CLPB: variants seen among roughly 807,000 people sequenced by gnomAD.
CLPB encodes the protein mitochondrial disaggregase.
A neutral mutation model predicts 78.4 loss-of-function variants in CLPB; 40 were observed. The observed-to-expected ratio is 0.51, with a 90% CI of 0.40 to 0.66. The LOEUF (loss-of-function observed/expected upper bound fraction) is 0.66, where lower values mean the gene tolerates loss of function less well. CLPB is among the 30% of genes least tolerant of loss of function. CLPB has a pLI of 0.00. For missense variants in CLPB, 780 were observed against 886.9 expected (o/e 0.88, Z 1.53); for synonymous variants, 333 against 348.0 (o/e 0.96, Z 0.48).
At chr11:72,383,905 A>C (rs1279019056) in intron 3 of CLPB, among the ~76,000 whole-genome samples, 1 of 152,202 alleles carries the variant, frequency 6.6e-6, no homozygotes, top group Non-Finnish European at 1.5e-5. Context: ...GATGCTAATT[A>C]GCAACACAAA....
chr11:72,335,133 G>C (rs993332669), intron 5 of CLPB, among the ~76,000 whole-genome samples: 2 of 152,094 alleles, frequency 1.3e-5, no homozygotes, highest in African/African-American at 4.8e-5. Context: ...AGTAGTGTGG[G>C]GGGGTGGGTG....
chr11:72,350,407 C>T (rs370439229), intron 5 of CLPB, among the ~76,000 whole-genome samples: 3 of 152,184 alleles, frequency 2.0e-5, no homozygotes, highest in East Asian at 3.8e-4. Flanking sequence ...CCTCCATTCC[C>T]CTTCGGACTA....
chr11:72,373,964 A>AAAAAAAAAAAAAAAAAAAAAC (rs1951092690), intron 4 of CLPB, among the ~76,000 whole-genome samples: 1 of 149,198 alleles, frequency 6.7e-6, no homozygotes. Context: ...CTGTCTCAAA[A>AAAAAAAAAAAAAAAAAAAAAC]AAAAAAAAAA....
At chr11:72,427,545 C>T (rs928028826) in intron 2 of CLPB, among the ~76,000 whole-genome samples, 10 of 152,160 alleles carry the variant, frequency 6.6e-5, no homozygotes, top group African/African-American at 2.4e-4. Context: ...TTGTAACTGT[C>T]TCAACATCAT....
In CLPB at chr11:72,329,734, C is replaced by T. The variant is rs1342068407; in HGVS notation, c.846G>A (p.Met282Ile). 6.2e-7 allele frequency: 1 copy of T among 1,614,012 alleles called. No homozygotes were observed. Among genetic ancestry groups the T allele is most frequent in the Non-Finnish European group, 8.5e-7 (1 of 1,179,910 alleles). Residue 282 changes from methionine (M) to isoleucine (I), a missense_variant, in exon 6 of 16, where the codon ATG (methionine) becomes ATA (isoleucine). Physicochemically the swap from Met to Ile is conservative, Grantham distance 10. Coordinates refer to ENST00000538039, the MANE Select transcript of CLPB (RefSeq NM_001258392.3). Reference protein sequence around the residue: ...PLDYAREGEVMKLLRTSEAKY... With the variant: ...PLDYAREGEVIKLLRTSEAKY... Reference sequence around the variant, plus strand: ...TGGCTTCAGAAGTCCTCAGAAGCTTCATCACTTCCCCTTCTCGGGCATAAT... The same window carrying T: ...TGGCTTCAGAAGTCCTCAGAAGCTTTATCACTTCCCCTTCTCGGGCATAAT...
intron 11 of CLPB, among the ~76,000 whole-genome samples, chr11:72,297,204 G>A (rs1949566490): frequency 6.6e-6 from 1 of 152,210 alleles, no homozygotes; most frequent in African/African-American, 2.4e-5. Context: ...ATACATCACT[G>A]ACCTCAGCCT....
chr11:72,313,472 T>A (rs1263290325), intron 7 of CLPB, among the ~76,000 whole-genome samples: 2 of 152,262 alleles, frequency 1.3e-5, no homozygotes, highest in Non-Finnish European at 2.9e-5. Flanking sequence ...CAGGCTTCAT[T>A]CACTGAGTTC....
At position 72,423,323 on chromosome 11, in the gene CLPB, G is replaced by A. The variant is rs930948509; in HGVS notation, c.455+6989C>T. ...TCAGGGATCCACATCTCGGTGAATG[G>A]CAAGAGCATCTACACAGATGATCAA... On this transcript the variant is annotated intron_variant, in intron 2 of 15. Transcript: ENST00000538039. 8.0e-5 allele frequency among the ~76,000 whole-genome samples: 12 copies of A among 150,284 alleles called. No homozygotes were observed. In the East Asian group the frequency reaches 2.0e-3, roughly 25 times the overall value.
intron 9 of CLPB, among the ~76,000 whole-genome samples, chr11:72,304,420 C>T (rs1378887400): frequency 6.6e-6 from 1 of 152,182 alleles, no homozygotes; most frequent in Non-Finnish European, 1.5e-5. Flanking sequence ...TGAACCCAAG[C>T]AGCTGGACTC....
intron 5 of CLPB, among the ~76,000 whole-genome samples, chr11:72,343,430 T>TA (rs1316569830): frequency 1.3e-5 from 2 of 152,216 alleles, no homozygotes; most frequent in Non-Finnish European, 2.9e-5. Context: ...TATCTGCTGA[T>TA]ACCTGCTTTC....
chr11:72,402,396 A>G (rs1855588958), intron 3 of CLPB, among the ~76,000 whole-genome samples: 1 of 152,240 alleles, frequency 6.6e-6, no homozygotes, highest in East Asian at 1.9e-4. Flanking sequence ...AGCATAATAT[A>G]TATTTTGTGG....
intron 1 of CLPB, among the ~76,000 whole-genome samples, chr11:72,433,307 C>G (rs1220798525): frequency 6.6e-6 from 1 of 152,116 alleles, no homozygotes; most frequent in African/African-American, 2.4e-5. Flanking sequence ...CGCCTGTAAT[C>G]CCAGTACTTT....
intron 4 of CLPB, among the ~76,000 whole-genome samples, chr11:72,380,043 T>A (rs895819225): frequency 6.6e-6 from 1 of 152,144 alleles, no homozygotes; most frequent in Non-Finnish European, 1.5e-5. Context: ...CGCAATTAGG[T>A]CATGAAATCA....
At chr11:72,316,323 T>G (rs1025997597) in intron 7 of CLPB, among the ~76,000 whole-genome samples, 1 of 152,182 alleles carries the variant, frequency 6.6e-6, no homozygotes. Context: ...CCAGAGACCA[T>G]GCTTTGAGAA....
Position 72,335,644 on chromosome 11 carries a change from G to C in CLPB, c.776-5840C>G, listed in dbSNP as rs1050190548. 2.6e-5 allele frequency among the ~76,000 whole-genome samples: 4 copies of C among 152,162 alleles called. No homozygotes were observed. The East Asian group carries it at 7.7e-4, about 29-fold the overall frequency. On this transcript the variant is annotated intron_variant, in intron 5 of 15. Coordinates refer to ENST00000538039, the MANE Select transcript of CLPB (RefSeq NM_001258392.3). ...GGGTACCATCCTCTCTGCTCCCATA[G>C]GTCTTTCGGCTTCCATCTTACTGCA...
intron 3 of CLPB, among the ~76,000 whole-genome samples, chr11:72,396,273 C>A (rs543197789): frequency 6.6e-6 from 1 of 152,088 alleles, no homozygotes; most frequent in Non-Finnish European, 1.5e-5. Flanking sequence ...GAAATGCACT[C>A]GGGGAGAAAA....
At chr11:72,427,056 G>C (rs1475969222) in intron 2 of CLPB, among the ~76,000 whole-genome samples, 1 of 152,250 alleles carries the variant, frequency 6.6e-6, no homozygotes, top group Non-Finnish European at 1.5e-5. Flanking sequence ...AGCAGCACTA[G>C]AGCTTTGAAA....
chr11:72,385,499 T>C (rs1354980184), intron 3 of CLPB, among the ~76,000 whole-genome samples: 3 of 152,222 alleles, frequency 2.0e-5, no homozygotes, highest in Admixed American at 6.5e-5. Flanking sequence ...TGAATGCACA[T>C]ACATCTTTCC....
At chr11:72,294,978 CTT>C (rs1410392134) in intron 12 of CLPB, among the ~76,000 whole-genome samples, 1 of 152,158 alleles carries the variant, frequency 6.6e-6, no homozygotes, top group Admixed American at 6.5e-5. Flanking sequence ...TGAGTCCTGA[CTT>C]GGAGGAAGGG....
Sources: gnomAD v4.1 joint callset for allele counts (sites outside exome capture counted in the v4.1 genomes callset) on GRCh38, gnomAD v4.1.1 for gene constraint, MANE v1.5 for transcripts, NCBI Gene and HGNC (gene_info 2026-07-23, HGNC 2026-07-21) for gene names.